The following PLA2R1 variants were observed in gnomAD, a reference collection of about 807,000 sequenced individuals.
PLA2R1 encodes the protein secretory phospholipase A2 receptor.
PLA2R1 carries 158 observed loss-of-function variants against 195.9 expected under a neutral mutation model. The observed-to-expected ratio is 0.81, with a 90% CI of 0.71 to 0.92. The LOEUF (loss-of-function observed/expected upper bound fraction) is 0.92. Ranked by LOEUF, PLA2R1 falls within the 40% of genes least tolerant of loss-of-function variation. The pLI is 0.00. For synonymous variants in PLA2R1, 586 were observed against 598.2 expected (o/e 0.98, Z 0.30); for missense variants, 1,626 against 1,764.6 (o/e 0.92, Z 1.41).
At position 159,946,064 on chromosome 2, in the gene PLA2R1, T is replaced by C. The variant is rs77809659; in HGVS notation, c.3967+737A>G. The C allele has an allele frequency of 0.044, 42,531 of 974,726 alleles. 1,011 individuals carry two copies. The highest frequency in any genetic ancestry group is 0.048 in the Non-Finnish European group (39,643 of 820,086). 60.4% of individuals were successfully genotyped at this position (974,726 alleles called of 1,614,324 possible). ...AATTTCTTTAATACCAAGCCAGCCA[T>C]GTACCAAGGGGGTAGGGGCGGTAGG... On this transcript the variant is annotated intron_variant, in intron 27 of 29. Transcript: ENST00000283243.
In PLA2R1 at chr2:160,045,119, T is replaced by G; in HGVS notation, c.148A>C (p.Lys50Gln). 6.2e-7 allele frequency: 1 copy of G among 1,608,194 alleles called. No individual in the cohort carries two copies. Among genetic ancestry groups the G allele is most frequent in the Non-Finnish European group, 8.5e-7 (1 of 1,175,232 alleles). ...IFVIQSESLKKCIQAGKSVLT... is the reference protein window; with the variant it reads ...IFVIQSESLKQCIQAGKSVLT... The stretch of plus-strand genomic sequence containing the variant: ...ACCGATTTACCTGCTTGAATGCATT[T>G]CTTGAGACTCTCACTTTGGATAACA... Residue 50 changes from lysine (K) to glutamine (Q), a missense_variant, in exon 2 of 30, where the codon AAA becomes CAA. By Grantham distance (53) the Lys-to-Gln change is moderately conservative (BLOSUM62 1). Coordinates refer to ENST00000283243, the MANE Select transcript of PLA2R1 (RefSeq NM_007366.5).
chr2:160,043,620 C>A (rs1030819994), intron 2 of PLA2R1, among the ~76,000 whole-genome samples: 4 of 152,102 alleles, frequency 2.6e-5, no homozygotes, highest in African/African-American at 4.8e-5. Flanking sequence ...TCTTTCAGTC[C>A]CCTTCCTTCT....
chr2:159,928,297 T>C (rs191154004), downstream of PLA2R1, among the ~76,000 whole-genome samples: 190 of 152,308 alleles, frequency 1.2e-3, no homozygotes, highest in Non-Finnish European at 2.1e-3. Flanking sequence ...ACCCCCTTTC[T>C]GGTGAGACTG....
intron 20 of PLA2R1, among the ~76,000 whole-genome samples, chr2:159,963,487 A>G (rs1019662795): frequency 2.6e-5 from 4 of 152,214 alleles, no homozygotes; most frequent in African/African-American, 4.8e-5. Flanking sequence ...TATAAATCAC[A>G]TATTGGATGG....
At chr2:159,986,568 G>T (rs1304085795) in intron 12 of PLA2R1, among the ~76,000 whole-genome samples, 5 of 151,384 alleles carry the variant, frequency 3.3e-5, no homozygotes, top group Non-Finnish European at 7.4e-5. Context: ...TAATATTAGC[G>T]CATGCTATTT....
intron 11 of PLA2R1, among the ~76,000 whole-genome samples, chr2:160,003,135 A>T (rs2105383697): frequency 6.6e-6 from 1 of 152,148 alleles, no homozygotes; most frequent in South Asian, 2.1e-4. Flanking sequence ...TAGTGTTGAA[A>T]TTGGTTACTA....
At chr2:159,956,672 T>A in intron 20 of PLA2R1, 45 bp from the exon 21 acceptor site, 1 of 1,131,912 alleles carries the variant, frequency 8.8e-7, no homozygotes, top group Non-Finnish European at 1.3e-6. Flanking sequence ...TGTATCTTTC[T>A]AAGTGAATTA....
intron 15 of PLA2R1, 75 bp from the exon 16 acceptor site, chr2:159,976,795 A>C: frequency 9.3e-7 from 1 of 1,073,852 alleles, no homozygotes. Flanking sequence ...TTCAGCTCTA[A>C]ACACACTATT....
At chr2:159,982,110 T>C (rs961770938) in intron 13 of PLA2R1, among the ~76,000 whole-genome samples, 2 of 152,210 alleles carry the variant, frequency 1.3e-5, no homozygotes, top group Non-Finnish European at 2.9e-5. Flanking sequence ...GGAAGCAGTG[T>C]GTGTGTGGTT....
rs189283633 is a variant in PLA2R1 at position 160,010,074 on chromosome 2, C to T, written c.1664+3189G>A. Among the ~76,000 whole-genome samples, 445 of 152,286 alleles carry T rather than the reference C, an allele frequency of 2.9e-3. 1 individual carries two copies. The highest frequency in any genetic ancestry group is 5.0e-3 in the Non-Finnish European group (337 of 68,022). On this transcript the variant is annotated intron_variant, in intron 10 of 29. Coordinates refer to ENST00000283243, the MANE Select transcript of PLA2R1 (RefSeq NM_007366.5). ...GCAGTGAGTCATGAAGGCACCACTA[C>T]ACTCCAGCCTGGGCAACAGAGTAAG...
In PLA2R1 at chr2:159,976,357, C is replaced by G. The variant is rs1689554584; in HGVS notation, c.2438-132G>C. The G allele has an allele frequency of 9.4e-6, 6 of 638,556 alleles. No homozygotes were observed. The African/African-American group carries it at 1.1e-4, about 12-fold the overall frequency. 39.6% of individuals were successfully genotyped at this position (638,556 alleles called of 1,614,324 possible). A position where few individuals can be genotyped will look rare whatever the true frequency, so the allele number is the denominator to read the frequency against. On this transcript the variant is annotated intron_variant, in intron 16 of 29. Coordinates refer to ENST00000283243, the MANE Select transcript of PLA2R1 (RefSeq NM_007366.5). Reference sequence around the variant, plus strand: ...ACACACAGGAATTTGAACACACACACACAGACACATATGCACATAAATAGA... The same window carrying G: ...ACACACAGGAATTTGAACACACACAGACAGACACATATGCACATAAATAGA...
At position 160,022,734 on chromosome 2, in the gene PLA2R1, C is replaced by T; in HGVS notation, c.1225G>A (p.Asp409Asn). The change falls in exon 7 of 30, where the codon GAT (aspartate) becomes AAT (asparagine). Residue 409 changes from aspartate (D) to asparagine (N), a missense_variant. Coordinates refer to ENST00000283243, the MANE Select transcript of PLA2R1 (RefSeq NM_007366.5). The stretch of plus-strand genomic sequence containing the variant: ...GTTATGTCTATTAATGCACTGTTAT[C>T]AGCCTGACAAGAACGCAGAGCCTCA... ...WHEALRSCQA[D>N]NSALIDITSL... 1 of 1,613,842 alleles carries T rather than the reference C, an allele frequency of 6.2e-7. No individual in the cohort carries two copies. Among genetic ancestry groups the T allele is most frequent in the Non-Finnish European group, 8.5e-7 (1 of 1,179,716 alleles).
At position 159,936,483 on chromosome 2, in the gene PLA2R1, T is replaced by C. The variant is rs12997701; in HGVS notation, c.*5295A>G. ...TAATTAGTATTAAAAACTGCTAGTATAAATCAAGGTTCAGCATCAATTCTG... is the reference window on the plus strand; with the variant it reads ...TAATTAGTATTAAAAACTGCTAGTACAAATCAAGGTTCAGCATCAATTCTG... On this transcript the variant is annotated 3_prime_UTR_variant, in exon 30 of 30. Coordinates refer to ENST00000283243, the MANE Select transcript of PLA2R1 (RefSeq NM_007366.5). 0.21 allele frequency: 32,317 copies of C among 152,196 alleles called. 3,954 individuals are homozygous for C. Among genetic ancestry groups the C allele is most frequent in the Admixed American group, 0.36 (5,556 of 15,276 alleles). 9.4% of individuals were successfully genotyped at this position (152,196 alleles called of 1,614,324 possible). A position where few individuals can be genotyped will look rare whatever the true frequency, so the allele number is the denominator to read the frequency against.
Position 160,033,115 on chromosome 2 carries a change from A to G in PLA2R1, c.685T>C (p.Cys229Arg). The change falls in exon 4 of 30, where the codon TGT (cysteine) becomes CGT (arginine). Residue 229 changes from cysteine (C) to arginine (R), a missense_variant. Cys to Arg is a radical substitution (Grantham distance 180, BLOSUM62 -3). Coordinates refer to ENST00000283243, the MANE Select transcript of PLA2R1 (RefSeq NM_007366.5). ...CPDPTSAEVG[C>R]DTIWEKDLNS... ...AGGTCCTTCTCCCAAATAGTATCAC[A>G]ACCTACTTCTGCAGAGGCTGGAAAC... 1.2e-6 allele frequency: 2 copies of G among 1,611,842 alleles called. No individual in the cohort carries two copies. The highest frequency in any genetic ancestry group is 1.7e-6 in the Non-Finnish European group (2 of 1,179,196).
intron 1 of PLA2R1, among the ~76,000 whole-genome samples, chr2:160,052,590 C>G (rs1695277887): frequency 6.6e-6 from 1 of 152,196 alleles, no homozygotes; most frequent in Non-Finnish European, 1.5e-5. Context: ...CTGTGATTAT[C>G]TTATTGACTC....
At chr2:160,038,870 C>T (rs1022207103) in intron 3 of PLA2R1, among the ~76,000 whole-genome samples, 7 of 151,778 alleles carry the variant, frequency 4.6e-5, no homozygotes, top group African/African-American at 7.3e-5. Flanking sequence ...AGGGCGGGAG[C>T]GGGGGCAGGC....
chr2:159,973,445 T>C (rs1560164054), intron 17 of PLA2R1, among the ~76,000 whole-genome samples: 2 of 125,240 alleles, frequency 1.6e-5, no homozygotes, highest in Admixed American at 9.5e-5. Context: ...ACAAGGCAGA[T>C]GGCAGATGAT....
At chr2:160,030,170 C>T (rs919039676) in intron 4 of PLA2R1, among the ~76,000 whole-genome samples, 1 of 152,160 alleles carries the variant, frequency 6.6e-6, no homozygotes. Flanking sequence ...TATTTCAATA[C>T]AATTGTGAAA....
chr2:160,008,456 T>A (rs1173922350), intron 10 of PLA2R1, among the ~76,000 whole-genome samples: 1 of 152,198 alleles, frequency 6.6e-6, no homozygotes, highest in Admixed American at 6.5e-5. Flanking sequence ...GAAAGGACAG[T>A]CTTCTCAATA....
Sources: allele counts gnomAD v4.1 joint callset (sites outside exome capture counted in the v4.1 genomes callset), GRCh38; gene constraint gnomAD v4.1.1; transcripts MANE v1.5; gene names NCBI Gene and HGNC (gene_info 2026-07-23, HGNC 2026-07-21).